Variants in SELENOO observed in about 807,000 individuals in gnomAD.
SELENOO encodes the protein protein adenylyltransferase SelO, mitochondrial.
SELENOO carries 74 observed loss-of-function variants against 58.7 expected under a neutral mutation model. The ratio of observed to expected loss-of-function variants is 1.26; its 90% CI spans 1.04 to 1.53. SELENOO has a LOEUF of 1.53. Among genes scored for constraint, SELENOO ranks in the 40% most tolerant of loss-of-function variants. The pLI, the probability that SELENOO is intolerant of heterozygous loss-of-function variation, is 0.00. For missense variants in SELENOO, 1,149 were observed against 970.0 expected (o/e 1.18, Z -2.45); for synonymous variants, 543 against 453.2 (o/e 1.20, Z -2.52).
At chr22:50,214,744 A>C (rs1489776973) in intron 5 of SELENOO, among the ~76,000 whole-genome samples, 1 of 152,228 alleles carries the variant, frequency 6.6e-6, no homozygotes, top group African/African-American at 2.4e-5. Flanking sequence ...CAGCCCCGGC[A>C]ACAGAGCAAG....
At chr22:50,202,664 T>A (rs185636253) in intron 1 of SELENOO, among the ~76,000 whole-genome samples, 1 of 152,314 alleles carries the variant, frequency 6.6e-6, no homozygotes, top group East Asian at 1.9e-4. Flanking sequence ...CAATTTTTTT[T>A]ATGAGAGTAA....
Position 50,216,770 on chromosome 22 carries a change from A to C in SELENOO, c.1582A>C (p.Arg528=). The stretch of plus-strand genomic sequence containing the variant: ...TATGGGCACCCGGGCAGGCATCGCC[A>C]GGGAGCTGGAGCGTGTGGAGCAGCA... ...ALMGTRAGIA[R]ELERVEQQSR... Residue 528 remains arginine (R), a synonymous_variant, in exon 7 of 9, where the codon AGG becomes CGG. Coordinates refer to ENST00000380903, the MANE Select transcript of SELENOO (RefSeq NM_031454.2). 6.2e-7 allele frequency: 1 copy of C among 1,608,808 alleles called. No homozygotes were observed. The highest frequency in any genetic ancestry group is 8.5e-7 in the Non-Finnish European group (1 of 1,179,748).
rs1424667448 is a variant in SELENOO at position 50,214,654 on chromosome 22, A to G, written c.1352-1063A>G. Among the ~76,000 whole-genome samples, 3 of 151,786 alleles carry G rather than the reference A, an allele frequency of 2.0e-5. No individual in the cohort carries two copies. The East Asian group carries it at 5.8e-4, about 29-fold the overall frequency. On this transcript the variant is annotated intron_variant, in intron 5 of 8. Transcript: ENST00000380903. The stretch of plus-strand genomic sequence containing the variant: ...GTGGCGGATGCCTGTAATCCCAGCT[A>G]CTCGGGAGGCTGAGGTAGGAGAATT...
At chr22:50,210,472 G>A (rs576923293) in intron 4 of SELENOO, among the ~76,000 whole-genome samples, 159 bp from the exon 5 acceptor site, 2 of 152,158 alleles carry the variant, frequency 1.3e-5, no homozygotes, top group African/African-American at 4.8e-5. Context: ...AATCCCGGAG[G>A]CCTTGGCCAG....
At chr22:50,211,533 T>G (rs2064371605) in intron 5 of SELENOO, among the ~76,000 whole-genome samples, 1 of 152,206 alleles carries the variant, frequency 6.6e-6, no homozygotes. Flanking sequence ...TGTGGGCTTT[T>G]ACCATGCTGA....
At chr22:50,209,859 T>C (rs1602492264) in intron 3 of SELENOO, among the ~76,000 whole-genome samples, 1 of 152,052 alleles carries the variant, frequency 6.6e-6, no homozygotes, top group Admixed American at 6.5e-5. Context: ...CTGGGGCAGG[T>C]GTGGCCCCTC....
Position 50,201,464 on chromosome 22 carries a change from A to G in SELENOO, c.428A>G (p.His143Arg). Residue 143 changes from histidine (H) to arginine (R), a missense_variant, in exon 1 of 9, where the codon CAC (histidine) becomes CGC (arginine). By Grantham distance (29) the His-to-Arg change is conservative. Coordinates refer to ENST00000380903, the MANE Select transcript of SELENOO (RefSeq NM_031454.2). Reference protein sequence around the residue: ...AEPAAHCYCGHQFGQFAGQLG... With the variant: ...AEPAAHCYCGRQFGQFAGQLG... ...CCCGCCGCGCACTGCTACTGCGGCCACCAATTCGGCCAGTTCGCCGGGCAG... is the reference window on the plus strand; with the variant it reads ...CCCGCCGCGCACTGCTACTGCGGCCGCCAATTCGGCCAGTTCGCCGGGCAG... The G allele has an allele frequency of 1.4e-6, 2 of 1,421,304 alleles. No homozygotes were observed. Among genetic ancestry groups the G allele is most frequent in the East Asian group, 3.2e-5 (1 of 31,656 alleles). The allele number at this position is 1,421,304 out of a possible 1,614,324, so 88.0% of individuals were successfully genotyped here. A position where few individuals can be genotyped will look rare whatever the true frequency, so the allele number is the denominator to read the frequency against.
chr22:50,206,300 T>C lies in SELENOO; in HGVS notation c.555-17T>C, dbSNP rs2064332244. The C allele has an allele frequency of 1.9e-6, 3 of 1,612,226 alleles. No individual in the cohort carries two copies. The highest frequency in any genetic ancestry group is 2.7e-5 in the African/African-American group (2 of 74,970). ...CTCCTGACCGGCCCACGTAGTGAACTCTGTGTTTGGTTTCAGACAGGCCGA... is the reference window on the plus strand; with the variant it reads ...CTCCTGACCGGCCCACGTAGTGAACCCTGTGTTTGGTTTCAGACAGGCCGA... On this transcript the variant is annotated splice_polypyrimidine_tract_variant and intron_variant, in intron 1 of 8. Coordinates refer to ENST00000380903, the MANE Select transcript of SELENOO (RefSeq NM_031454.2).
rs569436866 is a variant in SELENOO at position 50,201,459 on chromosome 22, C to G, written c.423C>G (p.Cys141Trp). The change falls in exon 1 of 9, where the codon TGC (cysteine) becomes TGG (tryptophan). Residue 141 changes from cysteine (C) to tryptophan (W), a missense_variant. Coordinates refer to ENST00000380903, the MANE Select transcript of SELENOO (RefSeq NM_031454.2). ...CCGAGCCCGCCGCGCACTGCTACTG[C>G]GGCCACCAATTCGGCCAGTTCGCCG... ...PGAEPAAHCY[C>W]GHQFGQFAGQ... 4 of 1,419,310 alleles carry G rather than the reference C, an allele frequency of 2.8e-6. No individual in the cohort carries two copies. The highest frequency in any genetic ancestry group is 3.7e-6 in the Non-Finnish European group (4 of 1,083,844). The allele number at this position is 1,419,310 out of a possible 1,614,324, so 87.9% of individuals were successfully genotyped here.
At chr22:50,216,935 G>T in intron 7 of SELENOO, 37 bp from the exon 8 acceptor site, 1 of 1,603,638 alleles carries the variant, frequency 6.2e-7, no homozygotes. Flanking sequence ...AAAAAGTCCA[G>T]CCCGGCTGTG....
rs760315093 is a variant in SELENOO, at chr22:50,217,548, G to A, written c.*179G>A. 27 of 989,800 alleles carry A rather than the reference G, an allele frequency of 2.7e-5. No homozygotes were observed. Among genetic ancestry groups the A allele is most frequent in the Admixed American group, 5.7e-5 (2 of 34,902 alleles). 61.3% of individuals were successfully genotyped at this position (989,800 alleles called of 1,614,324 possible). A position where few individuals can be genotyped will look rare whatever the true frequency, so the allele number is the denominator to read the frequency against. On this transcript the variant is annotated 3_prime_UTR_variant, in exon 9 of 9. Coordinates refer to ENST00000380903, the MANE Select transcript of SELENOO (RefSeq NM_031454.2). ...ACCTGACCCGTCTCTGTCTGAGGCCGGCTCAGCAGTGCAGCCTGGTCCCTG... is the reference window on the plus strand; with the variant it reads ...ACCTGACCCGTCTCTGTCTGAGGCCAGCTCAGCAGTGCAGCCTGGTCCCTG...
At chr22:50,214,249 C>T (rs143617749) in intron 5 of SELENOO, among the ~76,000 whole-genome samples, 1,721 of 152,266 alleles carry the variant, frequency 0.011, 13 homozygotes, top group Non-Finnish European at 0.019. Flanking sequence ...TCTAGTTATC[C>T]TCCTGCCTCA....
intron 1 of SELENOO, 85 bp downstream of exon 1, chr22:50,201,675 C>T (rs1202416747): frequency 9.8e-7 from 1 of 1,020,302 alleles, no homozygotes. Flanking sequence ...TTGGGGGCGT[C>T]CGGCGGCTAC....
chr22:50,211,819 TCA>T (rs2064373292), intron 5 of SELENOO, among the ~76,000 whole-genome samples: 1 of 152,204 alleles, frequency 6.6e-6, no homozygotes. Context: ...TTCTCCTGCC[TCA>T]GTCTCTCAAG....
Position 50,217,039 on chromosome 22 carries a change from G to A in SELENOO, c.1756G>A (p.Val586Met), listed in dbSNP as rs200868550. The change falls in exon 8 of 9, where the codon GTG becomes ATG. Residue 586 changes from valine to methionine, a missense_variant. By Grantham distance (21) the Val-to-Met change is conservative. Transcript: ENST00000380903. ...CGCCTGGCAGGCTGAGCACGTGCGC[G>A]TGATGCACGCCAACAACCCGAAGTA... is the stretch of plus-strand genomic sequence containing the variant. ...AAAWQAEHVR[V>M]MHANNPKYVL... The A allele has an allele frequency of 7.0e-5, 113 of 1,612,404 alleles. No individual in the cohort carries two copies. Among genetic ancestry groups the A allele is most frequent in the South Asian group, 5.6e-4 (51 of 91,092 alleles).
chr22:50,216,141 G>A (rs917857613), intron 6 of SELENOO, among the ~76,000 whole-genome samples: 6 of 152,202 alleles, frequency 3.9e-5, no homozygotes, highest in Admixed American at 1.3e-4. Context: ...GGTTTCTAGG[G>A]AGAATGGGCT....
At chr22:50,213,135 A>G (rs977104351) in intron 5 of SELENOO, among the ~76,000 whole-genome samples, 1 of 152,118 alleles carries the variant, frequency 6.6e-6, no homozygotes, top group Non-Finnish European at 1.5e-5. Context: ...ATCTTGGCTC[A>G]CTGCAACCTC....
chr22:50,201,539 G>T lies in SELENOO; in HGVS notation c.503G>T (p.Gly168Val), dbSNP rs1277308583. ...MYLGEVCTAT[G>V]ERWELQLKGA... ...CTGGGCGAGGTGTGCACGGCGACCGGCGAGCGCTGGGAGCTGCAGCTCAAG... is the reference window on the plus strand; with the variant it reads ...CTGGGCGAGGTGTGCACGGCGACCGTCGAGCGCTGGGAGCTGCAGCTCAAG... The change falls in exon 1 of 9, where the codon GGC becomes GTC. Residue 168 changes from glycine (G) to valine (V), a missense_variant. Gly to Val is a moderately radical substitution (Grantham distance 109, BLOSUM62 -3). Coordinates refer to ENST00000380903, the MANE Select transcript of SELENOO (RefSeq NM_031454.2). 1 of 1,395,658 alleles carries T rather than the reference G, an allele frequency of 7.2e-7. No homozygotes were observed. Among genetic ancestry groups the T allele is most frequent in the Non-Finnish European group, 9.3e-7 (1 of 1,071,368 alleles). 86.5% of individuals were successfully genotyped at this position (1,395,658 alleles called of 1,614,324 possible). A position where few individuals can be genotyped will look rare whatever the true frequency, so the allele number is the denominator to read the frequency against.
chr22:50,208,595 G>T lies in SELENOO; in HGVS notation c.818G>T (p.Ser273Ile), dbSNP rs1279500964. The T allele has an allele frequency of 6.2e-7, 1 of 1,613,862 alleles. No homozygotes were observed. The highest frequency in any genetic ancestry group is 1.3e-5 in the African/African-American group (1 of 74,926). The part of the protein sequence containing the change: ...ADEHTGRAGP[S>I]VGRNDIRVQL... The stretch of plus-strand genomic sequence containing the variant: ...GAGCACACAGGGCGTGCAGGCCCCA[G>T]CGTGGGGAGGAACGACATTCGAGTG... Residue 273 changes from serine to isoleucine, a missense_variant, in exon 3 of 9, where the codon AGC becomes ATC. Transcript: ENST00000380903.
Sources: gnomAD v4.1 joint callset for allele counts (sites outside exome capture counted in the v4.1 genomes callset) on GRCh38, gnomAD v4.1.1 for gene constraint, MANE v1.5 for transcripts, NCBI Gene and HGNC (gene_info 2026-07-23, HGNC 2026-07-21) for gene names.